Variants in DCAF6 observed in about 807,000 individuals in gnomAD.
DCAF6 encodes DDB1- and CUL4-associated factor 6.
A neutral mutation model predicts 125.1 loss-of-function variants in DCAF6; 54 were observed. That is an observed-to-expected ratio of 0.43 (90% CI 0.35 to 0.54). The LOEUF is 0.54. Ranked by LOEUF, DCAF6 falls within the 20% of genes least tolerant of loss-of-function variation. DCAF6 has a pLI of 0.01. For missense variants in DCAF6, 934 were observed against 1,161.7 expected (o/e 0.80, Z 2.85); for synonymous variants, 371 against 390.4 (o/e 0.95, Z 0.58).
chr1:168,074,593 A>G (rs74648809), intron 21 of DCAF6, among the ~76,000 whole-genome samples: 4,573 of 152,302 alleles, frequency 0.03, 204 homozygotes, highest in African/African-American at 0.1. Context: ...GAAGACATGC[A>G]AACGACTATT....
At chr1:168,073,494 G>A (rs1280323190) in intron 21 of DCAF6, among the ~76,000 whole-genome samples, 3 of 152,072 alleles carry the variant, frequency 2.0e-5, no homozygotes, top group African/African-American at 7.2e-5. Context: ...GTGACCTATC[G>A]TAAGACTCTT....
chr1:167,964,848 T>C (rs1676156076), intron 2 of DCAF6, among the ~76,000 whole-genome samples: 1 of 152,228 alleles, frequency 6.6e-6, no homozygotes, highest in South Asian at 2.1e-4. Flanking sequence ...TCAGAGGCAT[T>C]GTTCCTTTCT....
the DCAF6 span, among the ~76,000 whole-genome samples, chr1:167,911,381 A>G: frequency 6.6e-6 from 1 of 152,258 alleles, no homozygotes; most frequent in East Asian, 1.9e-4. Flanking sequence ...GGCTCCCACA[A>G]TGTAGCCTAA....
the DCAF6 span, among the ~76,000 whole-genome samples, chr1:167,900,606 C>T: frequency 2.4e-4 from 37 of 151,948 alleles, no homozygotes; most frequent in Admixed American, 2.2e-3. Flanking sequence ...CATCTCGGCT[C>T]ACTGCAACCT....
At chr1:167,937,096 G>C in intron 1 of DCAF6, 88 bp downstream of exon 1, 2 of 1,217,662 alleles carry the variant, frequency 1.6e-6, no homozygotes, top group African/African-American at 3.0e-5. Flanking sequence ...GAGGTGGGAC[G>C]GCGTCTCGGT....
At chr1:167,987,898 G>A (rs890607909) in intron 5 of DCAF6, among the ~76,000 whole-genome samples, 1 of 151,850 alleles carries the variant, frequency 6.6e-6, no homozygotes, top group Non-Finnish European at 1.5e-5. Flanking sequence ...AGTATATACT[G>A]TCTAATATAA....
chr1:167,917,927 A>G, the DCAF6 span: 2 of 157,094 alleles, frequency 1.3e-5, no homozygotes, highest in African/African-American at 4.8e-5. Context: ...CAGTCTCTTC[A>G]GCAAAATTTC....
the DCAF6 span, among the ~76,000 whole-genome samples, chr1:167,929,273 C>T: frequency 2.6e-5 from 4 of 152,082 alleles, no homozygotes; most frequent in South Asian, 2.1e-4. Context: ...GCAGGGGAAT[C>T]GCTAGAACCC....
chr1:167,893,242 G>A, the DCAF6 span, among the ~76,000 whole-genome samples: 3 of 152,150 alleles, frequency 2.0e-5, no homozygotes, highest in Non-Finnish European at 4.4e-5. Flanking sequence ...CTGCTATGTG[G>A]CATATAGAAA....
At chr1:168,000,439 CTG>C (rs1682442634) in intron 7 of DCAF6, among the ~76,000 whole-genome samples, 1 of 152,128 alleles carries the variant, frequency 6.6e-6, no homozygotes, top group African/African-American at 2.4e-5. Flanking sequence ...ACCACAGTAT[CTG>C]TGAAATTCAG....
intron 10 of DCAF6, among the ~76,000 whole-genome samples, chr1:168,009,638 T>C (rs558115951): frequency 6.6e-6 from 1 of 151,958 alleles, no homozygotes; most frequent in Non-Finnish European, 1.5e-5. Context: ...CTTAGTGTTA[T>C]TCTCTGTATG....
the DCAF6 span, among the ~76,000 whole-genome samples, chr1:167,927,600 A>C: frequency 6.6e-6 from 1 of 152,174 alleles, no homozygotes; most frequent in African/African-American, 2.4e-5. Flanking sequence ...TGTCACCCCA[A>C]AATTGTTTTC....
intron 10 of DCAF6, among the ~76,000 whole-genome samples, chr1:168,008,879 C>T (rs1440938062): frequency 3.1e-5 from 4 of 130,630 alleles, no homozygotes; most frequent in Non-Finnish European, 4.9e-5. Context: ...ACCCTGCCCC[C>T]ACCCCCTCCC....
Position 168,044,609 on chromosome 1 carries a change from A to T in DCAF6, c.1868A>T (p.Asp623Val), listed in dbSNP as rs143798431. 6.2e-7 allele frequency: 1 copy of T among 1,612,912 alleles called. No individual in the cohort carries two copies. Among genetic ancestry groups the T allele is most frequent in the East Asian group, 2.2e-5 (1 of 44,836 alleles). Residue 623 changes from aspartate (D) to valine (V), a missense_variant, in exon 15 of 22, where the codon GAT becomes GTT. Around this residue, in one of 5 missense-constraint regions of DCAF6, gnomAD observed 559 missense variants for 635.5 expected, o/e 0.88. Coordinates refer to ENST00000367840, the MANE Select transcript of DCAF6 (RefSeq NM_001198956.2). The stretch of plus-strand genomic sequence containing the variant: ...GAAGCTCCTGAAGAATCATCAGAGG[A>T]TGTGACAAAATATCAGGAAGGAGTA... ...ETKAPEESSE[D>V]VTKYQEGVSA...
At chr1:167,884,371 G>A in the DCAF6 span, among the ~76,000 whole-genome samples, 1 of 152,092 alleles carries the variant, frequency 6.6e-6, no homozygotes, top group Non-Finnish European at 1.5e-5. Context: ...CAGATCCCAT[G>A]AGAACTCATT....
At chr1:168,011,111 ATTTTTTTTTT>A (rs370763073) in intron 10 of DCAF6, among the ~76,000 whole-genome samples, 1 of 110,360 alleles carries the variant, frequency 9.1e-6, no homozygotes, top group South Asian at 2.8e-4. Flanking sequence ...GACCATCAGA[ATTTTTTTTTT>A]TTTTTTTTTT....
the DCAF6 span, among the ~76,000 whole-genome samples, chr1:167,868,713 A>G: frequency 6.6e-6 from 1 of 152,238 alleles, no homozygotes; most frequent in Non-Finnish European, 1.5e-5. Context: ...TTCCCTGTCT[A>G]TGCTTTCCGC....
At chr1:167,919,737 C>T in the DCAF6 span, among the ~76,000 whole-genome samples, 1 of 152,148 alleles carries the variant, frequency 6.6e-6, no homozygotes, top group Admixed American at 6.5e-5. Flanking sequence ...TACTGCTTAA[C>T]TGATTTTAGT....
chr1:167,882,440 A>G, the DCAF6 span, among the ~76,000 whole-genome samples: 8 of 146,772 alleles, frequency 5.5e-5, no homozygotes, highest in Admixed American at 5.0e-4. Flanking sequence ...AGCCGAGATC[A>G]TGCCACTGCA....
Sources: gnomAD v4.1 joint callset for allele counts (sites outside exome capture counted in the v4.1 genomes callset) on GRCh38, gnomAD v4.1.1 for gene constraint, gnomAD v4.1.1 regional missense constraint, MANE v1.5 for transcripts, NCBI Gene and HGNC (gene_info 2026-07-23, HGNC 2026-07-21) for gene names.